The following ST14 variants were observed in gnomAD, a reference collection of about 807,000 sequenced individuals.
ST14 encodes suppressor of tumorigenicity 14 protein.
Under a neutral mutation model 96.5 loss-of-function variants are expected in ST14, and 40 were observed. The observed-to-expected ratio is 0.41, with a 90% CI of 0.32 to 0.54. The LOEUF is 0.54. ST14 is among the 20% of genes least tolerant of loss of function. The probability of loss-of-function intolerance (pLI) is 0.17; values close to 1 mark genes in which losing one functional copy is unlikely to be tolerated. For synonymous variants in ST14, 506 were observed against 492.1 expected (o/e 1.03, Z -0.37); for missense variants, 1,066 against 1,188.9 (o/e 0.90, Z 1.52).
chr11:130,202,020 C>A (rs1353501384), intron 16 of ST14, among the ~76,000 whole-genome samples: 1 of 152,214 alleles, frequency 6.6e-6, no homozygotes, highest in Non-Finnish European at 1.5e-5. Context: ...TAGGACCAGC[C>A]ATTTCTCCAA....
Position 130,194,738 on chromosome 11 carries a change from G to C in ST14, c.1113+1G>C. On this transcript the variant is annotated splice_donor_variant, in intron 9 of 18. Coordinates refer to ENST00000278742, the MANE Select transcript of ST14 (RefSeq NM_021978.4). LOFTEE classifies it high-confidence loss of function. The stretch of plus-strand genomic sequence containing the variant: ...CATTGACTGCACATGGAACATTGAG[G>C]TAGGAGCTATGGGGCGTGTGAACGT... The C allele has an allele frequency of 6.2e-7, 1 of 1,614,100 alleles. No homozygotes were observed.
chr11:130,198,066 G>T, intron 12 of ST14, 121 bp downstream of exon 12: 1 of 1,100,176 alleles, frequency 9.1e-7, no homozygotes, highest in Non-Finnish European at 1.3e-6. Context: ...TTTTGCTCTC[G>T]GCCCTGTGTA....
chr11:130,179,232 G>A (rs1198325367), intron 1 of ST14, among the ~76,000 whole-genome samples: 1 of 152,160 alleles, frequency 6.6e-6, no homozygotes, highest in Non-Finnish European at 1.5e-5. Flanking sequence ...CAGGGAGAGG[G>A]GCTTGGGAAT....
chr11:130,188,154 T>G lies in ST14; in HGVS notation c.122T>G (p.Val41Gly). The change falls in exon 2 of 19, where the codon GTC becomes GGC. Residue 41 changes from valine (V) to glycine (G), a missense_variant. Physicochemically the swap from Val to Gly is moderately radical, Grantham distance 109. Coordinates refer to ENST00000278742, the MANE Select transcript of ST14 (RefSeq NM_021978.4). The surrounding 1 kb of genome is among the most constrained non-coding windows in gnomAD (Gnocchi z 5.4). Reference sequence around the variant, plus strand: ...GAGGAAGGCGTGGAGTTCCTGCCAGTCAACAACGTCAAGAAGGTGGAAAAG... The same window carrying G: ...GAGGAAGGCGTGGAGTTCCTGCCAGGCAACAACGTCAAGAAGGTGGAAAAG... ...GLEEGVEFLP[V>G]NNVKKVEKHG... 6.2e-7 allele frequency: 1 copy of G among 1,614,122 alleles called. No homozygotes were observed. The highest frequency in any genetic ancestry group is 8.5e-7 in the Non-Finnish European group (1 of 1,180,036).
intron 7 of ST14, among the ~76,000 whole-genome samples, chr11:130,192,717 C>G (rs911441364): frequency 2.0e-5 from 3 of 152,186 alleles, no homozygotes; most frequent in African/African-American, 4.8e-5. Context: ...ATTTTCCCAG[C>G]CTTTTTTGCT....
intron 7 of ST14, among the ~76,000 whole-genome samples, chr11:130,191,268 G>A (rs538200294): frequency 3.9e-5 from 6 of 151,924 alleles, no homozygotes; most frequent in Non-Finnish European, 7.4e-5. Context: ...GGAGGTCGAG[G>A]CTGCAGTGAG....
chr11:130,188,285 T>C lies in ST14; in HGVS notation c.241+12T>C. 2 of 1,610,424 alleles carry C rather than the reference T, an allele frequency of 1.2e-6. No homozygotes were observed. The highest frequency in any genetic ancestry group is 1.7e-6 in the Non-Finnish European group (2 of 1,177,526). ...GTGGCATTTGCAGTGTGAGTAAAGCTGGGGCTGGCTCCGGGGAGGACGACA... is the reference window on the plus strand; with the variant it reads ...GTGGCATTTGCAGTGTGAGTAAAGCCGGGGCTGGCTCCGGGGAGGACGACA... On this transcript the variant is annotated intron_variant, in intron 2 of 18. Coordinates refer to ENST00000278742, the MANE Select transcript of ST14 (RefSeq NM_021978.4). This position sits in a 1 kb window ranked among gnomAD's most constrained non-coding sequence, Gnocchi z 5.4.
intron 1 of ST14, among the ~76,000 whole-genome samples, chr11:130,176,953 C>T (rs1473939785): frequency 4.0e-5 from 6 of 151,480 alleles, no homozygotes; most frequent in Non-Finnish European, 8.8e-5. Flanking sequence ...CCCATACTAC[C>T]GCACCTGGCT....
intron 1 of ST14, among the ~76,000 whole-genome samples, chr11:130,172,303 T>C (rs1953099819): frequency 6.6e-6 from 1 of 151,786 alleles, no homozygotes; most frequent in African/African-American, 2.4e-5. Flanking sequence ...TGGGGGTCTC[T>C]CTGCATTGCC....
Position 130,208,471 on chromosome 11 carries a change from G to A in ST14, c.2056G>A (p.Ala686Thr), listed in dbSNP as rs554421057. 6.2e-6 allele frequency: 10 copies of A among 1,614,190 alleles called. No homozygotes were observed. The South Asian group carries it at 7.7e-5, about 12-fold the overall frequency. Reference sequence around the variant, plus strand: ...CTTGCACGACCAGAGCCAGCGCAGCGCCCCTGGGGTGCAGGAGCGCAGGCT... The same window carrying A: ...CTTGCACGACCAGAGCCAGCGCAGCACCCCTGGGGTGCAGGAGCGCAGGCT... ...LGLHDQSQRSAPGVQERRLKR... is the reference protein window; with the variant it reads ...LGLHDQSQRSTPGVQERRLKR... The change falls in exon 17 of 19, where the codon GCC (alanine) becomes ACC (threonine). Residue 686 changes from alanine (A) to threonine (T), a missense_variant. By Grantham distance (58) the Ala-to-Thr change is moderately conservative. Coordinates refer to ENST00000278742, the MANE Select transcript of ST14 (RefSeq NM_021978.4).
chr11:130,197,730 G>A (rs1953382143), intron 11 of ST14, 111 bp from the exon 12 acceptor site: 8 of 915,830 alleles, frequency 8.7e-6, no homozygotes, highest in Non-Finnish European at 1.2e-5. Context: ...CACAGCACCT[G>A]CCCTGCTCCT....
At position 130,188,352 on chromosome 11, in the gene ST14, C is replaced by T. The variant is rs544827699; in HGVS notation, c.241+79C>T. On this transcript the variant is annotated intron_variant, in intron 2 of 18. Coordinates refer to ENST00000278742, the MANE Select transcript of ST14 (RefSeq NM_021978.4). The surrounding 1 kb of genome is among the most constrained non-coding windows in gnomAD (Gnocchi z 5.4). ...CTTCCCTCAGCGGACAGACCCAGGG[C>T]CACCTACTGAGTACACGAGGATCTC... 1.3e-6 allele frequency: 2 copies of T among 1,580,910 alleles called. No homozygotes were observed. The highest frequency in any genetic ancestry group is 1.7e-6 in the Non-Finnish European group (2 of 1,161,044).
chr11:130,182,114 A>G (rs861444), intron 1 of ST14, among the ~76,000 whole-genome samples: 124,237 of 152,158 alleles, frequency 0.82, 50,903 homozygotes, highest in East Asian at 0.97. Flanking sequence ...GCCACCAAGT[A>G]CTGGGTGACC....
intron 16 of ST14, among the ~76,000 whole-genome samples, chr11:130,205,275 C>A (rs1045813772): frequency 2.0e-5 from 3 of 152,036 alleles, no homozygotes; most frequent in Non-Finnish European, 4.4e-5. Flanking sequence ...TACAGGTGTG[C>A]GCCACCTTGC....
chr11:130,166,106 C>A (rs768897031), intron 1 of ST14, among the ~76,000 whole-genome samples: 4 of 152,338 alleles, frequency 2.6e-5, no homozygotes, highest in Non-Finnish European at 5.9e-5. Flanking sequence ...GCTGGTGGAC[C>A]AGGAGCACAG....
At chr11:130,208,918 C>T (rs1292595290) in intron 17 of ST14, among the ~76,000 whole-genome samples, 1 of 152,154 alleles carries the variant, frequency 6.6e-6, no homozygotes, top group East Asian at 1.9e-4. Context: ...TGACCTTGAG[C>T]GAGTTGCTTA....
At chr11:130,189,562 C>T in intron 4 of ST14, 177 bp from the exon 5 acceptor site, 1 of 772,902 alleles carries the variant, frequency 1.3e-6, no homozygotes, top group Non-Finnish European at 2.1e-6. Context: ...GGGCAAAGGG[C>T]AAGGCCTCTT....
Position 130,189,251 on chromosome 11 carries a change from G to A in ST14, c.440+312G>A, listed in dbSNP as rs144412916. The A allele has an allele frequency of 3.2e-4, 168 of 521,240 alleles. No individual in the cohort carries two copies. In the Middle Eastern group the frequency reaches 4.2e-3, roughly 13 times the overall value. The allele number at this position is 521,240 out of a possible 1,614,324, so 32.3% of individuals were successfully genotyped here. A position where few individuals can be genotyped will look rare whatever the true frequency, so the allele number is the denominator to read the frequency against. ...GGGTATGGGGGAGTTGGGGTACTCAGGCAGCCTTCAATGAGCCCCCACATT... is the reference window on the plus strand; with the variant it reads ...GGGTATGGGGGAGTTGGGGTACTCAAGCAGCCTTCAATGAGCCCCCACATT... On this transcript the variant is annotated intron_variant, in intron 4 of 18. Transcript: ENST00000278742.
At chr11:130,195,211 G>A (rs534190398) in intron 9 of ST14, among the ~76,000 whole-genome samples, 4 of 152,190 alleles carry the variant, frequency 2.6e-5, no homozygotes, top group East Asian at 1.9e-4. Context: ...CAGTGCCATC[G>A]CACTCCAGCC....
Sources: allele counts gnomAD v4.1 joint callset (sites outside exome capture counted in the v4.1 genomes callset), GRCh38; gene constraint gnomAD v4.1.1; non-coding constraint Gnocchi (gnomAD v3.1); transcripts MANE v1.5; gene names NCBI Gene and HGNC (gene_info 2026-07-23, HGNC 2026-07-21).